The following ADAM7 variants were observed in gnomAD, a reference collection of about 807,000 sequenced individuals.
The protein encoded by ADAM7 is ADAM metallopeptidase domain 7, also known as disintegrin and metalloproteinase domain-containing protein 7.
Under a neutral mutation model 102.9 loss-of-function variants are expected in ADAM7, and 97 were observed. The observed-to-expected ratio is 0.94, with a 90% CI of 0.80 to 1.12. The LOEUF is 1.12. ADAM7 is among the 50% of genes most tolerant of loss of function. ADAM7 has a pLI of 0.00. For missense variants in ADAM7, 991 were observed against 908.7 expected (o/e 1.09, Z -1.16); for synonymous variants, 334 against 304.4 (o/e 1.10, Z -1.01).
chr8:24,476,363 G>T lies in ADAM7; in HGVS notation c.634-70G>T, dbSNP rs547272948. On this transcript the variant is annotated intron_variant, in intron 7 of 21. Transcript: ENST00000175238. Reference sequence around the variant, plus strand: ...TTTTTCTTTGTAATAGCTGATGAATGAAGTATTTTGTTGAGCTTTTATGCA... The same window carrying T: ...TTTTTCTTTGTAATAGCTGATGAATTAAGTATTTTGTTGAGCTTTTATGCA... 7.8e-6 allele frequency: 9 copies of T among 1,148,880 alleles called. No individual in the cohort carries two copies. In the South Asian group the frequency reaches 1.5e-4, roughly 19 times the overall value. 71.2% of individuals were successfully genotyped at this position (1,148,880 alleles called of 1,614,324 possible). A position where few individuals can be genotyped will look rare whatever the true frequency, so the allele number is the denominator to read the frequency against.
intron 13 of ADAM7, among the ~76,000 whole-genome samples, chr8:24,491,701 A>G (rs989283412): frequency 4.6e-5 from 7 of 152,160 alleles, no homozygotes; most frequent in Non-Finnish European, 1.0e-4. Flanking sequence ...ACCAAACTTC[A>G]AAAACATCAT....
intron 3 of ADAM7, 130 bp from the exon 4 acceptor site, chr8:24,463,752 C>G: frequency 1.5e-6 from 1 of 676,984 alleles, no homozygotes; most frequent in Non-Finnish European, 2.4e-6. Flanking sequence ...TTTTGCTTTA[C>G]TATTTCTAGC....
intron 3 of ADAM7, among the ~76,000 whole-genome samples, chr8:24,453,502 C>G: frequency 6.6e-6 from 1 of 152,206 alleles, no homozygotes; most frequent in Non-Finnish European, 1.5e-5. Flanking sequence ...TCAGCTCCAT[C>G]AGCTCCTTTA....
intron 11 of ADAM7, among the ~76,000 whole-genome samples, chr8:24,488,631 G>A (rs990465): frequency 0.31 from 46,719 of 151,932 alleles, 7,463 homozygotes; most frequent in South Asian, 0.38. Context: ...AAGGAAGTCA[G>A]AAGAAAAGGA....
chr8:24,483,911 C>T (rs1012088199), intron 9 of ADAM7, among the ~76,000 whole-genome samples: 1 of 152,118 alleles, frequency 6.6e-6, no homozygotes, highest in Non-Finnish European at 1.5e-5. Flanking sequence ...AGGATGTCTG[C>T]AAGTGAGGAG....
chr8:24,508,689 A>G lies in ADAM7; in HGVS notation c.*143A>G. 6.7e-7 allele frequency: 1 copy of G among 1,499,018 alleles called. No individual in the cohort carries two copies. Among genetic ancestry groups the G allele is most frequent in the African/African-American group, 1.4e-5 (1 of 71,460 alleles). 92.9% of individuals were successfully genotyped at this position (1,499,018 alleles called of 1,614,324 possible). ...TTCTTTATCCAGACAGACAATGTTT[A>G]AGAGAAACAACTTATTTCTGTTAAT... On this transcript the variant is annotated 3_prime_UTR_variant, in exon 22 of 22. Transcript: ENST00000175238.
intron 2 of ADAM7, 46 bp from the exon 3 acceptor site, chr8:24,447,140 C>A: frequency 8.6e-7 from 1 of 1,166,664 alleles, no homozygotes; most frequent in Non-Finnish European, 1.2e-6. Context: ...CCAGAACACA[C>A]TAAATGAGCC....
At chr8:24,475,512 T>C (rs943676434) in intron 7 of ADAM7, among the ~76,000 whole-genome samples, 14 of 151,516 alleles carry the variant, frequency 9.2e-5, no homozygotes, top group African/African-American at 3.1e-4. Context: ...TATTTGATAA[T>C]TAAGAGAATA....
chr8:24,479,832 C>G (rs2129387510), intron 8 of ADAM7, among the ~76,000 whole-genome samples: 1 of 152,318 alleles, frequency 6.6e-6, no homozygotes, highest in South Asian at 2.1e-4. Flanking sequence ...AGGAGACTGT[C>G]TTTTCTTAGG....
chr8:24,499,438 T>C (rs1275780092), intron 17 of ADAM7, 122 bp downstream of exon 17: 2 of 679,796 alleles, frequency 2.9e-6, no homozygotes, highest in Non-Finnish European at 4.3e-6. Context: ...AAATCAAATA[T>C]ATATTTGGGA....
chr8:24,475,125 C>T (rs1819726761), intron 7 of ADAM7, among the ~76,000 whole-genome samples: 1 of 152,116 alleles, frequency 6.6e-6, no homozygotes, highest in Non-Finnish European at 1.5e-5. Context: ...TGTCTGAATC[C>T]TGGGAAACAC....
chr8:24,483,139 C>A (rs1461328985), intron 9 of ADAM7, among the ~76,000 whole-genome samples: 1 of 152,114 alleles, frequency 6.6e-6, no homozygotes, highest in Admixed American at 6.6e-5. Flanking sequence ...TAAGTAAAAG[C>A]GTGACTTTGT....
At chr8:24,482,698 G>A (rs1447303231) in intron 9 of ADAM7, among the ~76,000 whole-genome samples, 1 of 152,092 alleles carries the variant, frequency 6.6e-6, no homozygotes, top group Non-Finnish European at 1.5e-5. Flanking sequence ...AACATGAGCT[G>A]TGGTTGTGCC....
intron 3 of ADAM7, among the ~76,000 whole-genome samples, chr8:24,453,605 T>C (rs557176491): frequency 6.6e-6 from 1 of 152,348 alleles, no homozygotes; most frequent in East Asian, 1.9e-4. Context: ...AATTTCCTCC[T>C]GTAGCTCGGA....
intron 8 of ADAM7, among the ~76,000 whole-genome samples, chr8:24,478,058 G>C (rs1240124534): frequency 6.6e-6 from 1 of 151,998 alleles, no homozygotes; most frequent in Non-Finnish European, 1.5e-5. Context: ...CACAAACCTA[G>C]CATCTTAGAA....
At chr8:24,471,056 G>A (rs1364651095) in intron 7 of ADAM7, among the ~76,000 whole-genome samples, 1 of 151,934 alleles carries the variant, frequency 6.6e-6, no homozygotes. Context: ...AGGCTAATGT[G>A]TGTGGTTTTT....
intron 7 of ADAM7, among the ~76,000 whole-genome samples, chr8:24,476,176 G>A (rs1819762049): frequency 6.6e-6 from 1 of 152,142 alleles, no homozygotes; most frequent in Non-Finnish European, 1.5e-5. Context: ...ACAATGTAAT[G>A]TGAAAAGGAA....
At position 24,509,264 on chromosome 8, in the gene ADAM7, C is replaced by G. The variant is rs186995995; in HGVS notation, c.*718C>G. Reference sequence around the variant, plus strand: ...TCCAAGTGAGAGGACATACTCACAACTCCTATGAAGGGTTTCTAAGGTCTT... The same window carrying G: ...TCCAAGTGAGAGGACATACTCACAAGTCCTATGAAGGGTTTCTAAGGTCTT... On this transcript the variant is annotated 3_prime_UTR_variant, in exon 22 of 22. Transcript: ENST00000175238. 7.1e-6 allele frequency: 7 copies of G among 985,412 alleles called. No homozygotes were observed. In the Admixed American group the frequency reaches 1.8e-4, roughly 26 times the overall value. The allele number at this position is 985,412 out of a possible 1,614,324, so 61.0% of individuals were successfully genotyped here.
At chr8:24,478,436 C>A (rs1819841692) in intron 8 of ADAM7, among the ~76,000 whole-genome samples, 2 of 152,158 alleles carry the variant, frequency 1.3e-5, no homozygotes, top group Non-Finnish European at 2.9e-5. Flanking sequence ...TGTTATTCAA[C>A]TCAGAATCCT....
Sources: gnomAD v4.1 joint callset for allele counts (sites outside exome capture counted in the v4.1 genomes callset) on GRCh38, gnomAD v4.1.1 for gene constraint, MANE v1.5 for transcripts, NCBI Gene and HGNC (gene_info 2026-07-23, HGNC 2026-07-21) for gene names.